CAMKK1: variants seen among roughly 807,000 people sequenced by gnomAD.
CAMKK1 encodes the protein calcium/calmodulin dependent protein kinase kinase 1.
A neutral mutation model predicts 63.5 loss-of-function variants in CAMKK1; 20 were observed. The observed-to-expected ratio is 0.32, with a 90% CI of 0.22 to 0.46. The LOEUF (loss-of-function observed/expected upper bound fraction) is 0.46, where lower values mean the gene tolerates loss of function less well. Among genes scored for constraint, CAMKK1 ranks in the 20% least tolerant of loss-of-function variants. The probability of loss-of-function intolerance (pLI) is 1.00; values close to 1 mark genes in which losing one functional copy is unlikely to be tolerated. For synonymous variants in CAMKK1, 253 were observed against 269.0 expected, an observed-to-expected ratio of 0.94 and a Z score of 0.58; for missense variants, 588 against 658.1, an observed-to-expected ratio of 0.89 and a Z score of 1.17.
rs1020041292 is a variant in CAMKK1 at position 3,862,588 on chromosome 17, C to T, written c.1446-305G>A. On this transcript the variant is annotated intron_variant, in intron 15 of 15. Coordinates refer to ENST00000348335, the MANE Select transcript of CAMKK1 (RefSeq NM_032294.3). This position sits in a 1 kb window ranked among gnomAD's most constrained non-coding sequence, Gnocchi z 4.1. ...CTGACCCAGCTGACTTCCCTACATC[C>T]TCCAACTATCAGCCTAATCAAGGGC... is the stretch of plus-strand genomic sequence containing the variant. 1.3e-5 allele frequency among the ~76,000 whole-genome samples: 2 copies of T among 152,206 alleles called. No homozygotes were observed. The highest frequency in any genetic ancestry group is 4.8e-5 in the African/African-American group (2 of 41,444).
intron 1 of CAMKK1, among the ~76,000 whole-genome samples, chr17:3,886,615 G>A (rs1223111523): frequency 1.3e-5 from 2 of 152,060 alleles, no homozygotes; most frequent in Non-Finnish European, 2.9e-5. Context: ...CTGGGTGACG[G>A]AGCAAGACTC....
At position 3,884,760 on chromosome 17, in the gene CAMKK1, C is replaced by T. The variant is rs1472665485; in HGVS notation, c.361-333G>A. ...TGAGAAACCCATGAGCAACTATTTC[C>T]AGAAGCAGCTGAATGAGAAGGTCTA... On this transcript the variant is annotated intron_variant, in intron 2 of 15. Coordinates refer to ENST00000348335, the MANE Select transcript of CAMKK1 (RefSeq NM_032294.3). The surrounding 1 kb of genome is among the most constrained non-coding windows in gnomAD (Gnocchi z 4.5). 6.6e-6 allele frequency among the ~76,000 whole-genome samples: 1 copy of T among 152,132 alleles called. No homozygotes were observed. The highest frequency in any genetic ancestry group is 1.5e-5 in the Non-Finnish European group (1 of 68,026).
At chr17:3,873,552 G>A (rs1237860584) in intron 10 of CAMKK1, 90 bp from the exon 11 acceptor site, 9 of 1,250,562 alleles carry the variant, frequency 7.2e-6, no homozygotes, top group Non-Finnish European at 1.1e-5. Context: ...GGCCTGCAGG[G>A]AACCTCTTTC....
intron 12 of CAMKK1, among the ~76,000 whole-genome samples, chr17:3,870,371 C>CT (rs1163962903): frequency 7.3e-4 from 106 of 144,586 alleles, no homozygotes; most frequent in African/African-American, 1.2e-3. Context: ...CCCCAGGGTT[C>CT]TTTTTTTTTT....
Position 3,885,390 on chromosome 17 carries a change from A to T in CAMKK1, c.298T>A (p.Ser100Thr), listed in dbSNP as rs1395835406. ...PYATGPASHI[S>T]PRAWRRPTIE... ...GTGGGCCTCCGCCAGGCCCGGGGGG[A>T]GATGTGGCTGGCAGGCCCCGTGGCA... Residue 100 changes from serine (S) to threonine (T), a missense_variant, in exon 2 of 16, where the codon TCC (serine) becomes ACC (threonine). Transcript: ENST00000348335. The T allele has an allele frequency of 5.0e-6, 8 of 1,610,562 alleles. No homozygotes were observed. In the Admixed American group the frequency reaches 1.3e-4, roughly 27 times the overall value.
intron 14 of CAMKK1, among the ~76,000 whole-genome samples, chr17:3,868,086 T>TAC (rs2054626723): frequency 2.2e-5 from 1 of 46,446 alleles, no homozygotes; most frequent in Non-Finnish European, 3.7e-5. Flanking sequence ...AACTGATACG[T>TAC]GGGCTCTGGG....
chr17:3,864,203 C>A (rs939373220), intron 15 of CAMKK1, among the ~76,000 whole-genome samples: 4 of 151,880 alleles, frequency 2.6e-5, no homozygotes, highest in South Asian at 4.1e-4. Flanking sequence ...CTGCCTTGGC[C>A]TCCCAAAGTG....
Position 3,882,789 on chromosome 17 carries a change from C to T in CAMKK1, c.649-225G>A, listed in dbSNP as rs1186755007. ...ATCCAGCCTTCCTCCCCTCCAGCTG[C>T]AATGAGGGGCTCACTTCTTGCCTCT... is the stretch of plus-strand genomic sequence containing the variant. On this transcript the variant is annotated intron_variant, in intron 6 of 15. Coordinates refer to ENST00000348335, the MANE Select transcript of CAMKK1 (RefSeq NM_032294.3). This position sits in a 1 kb window ranked among gnomAD's most constrained non-coding sequence, Gnocchi z 4.3. 2.0e-5 allele frequency among the ~76,000 whole-genome samples: 3 copies of T among 152,200 alleles called. No homozygotes were observed. The highest frequency in any genetic ancestry group is 4.4e-5 in the Non-Finnish European group (3 of 68,036).
chr17:3,882,637 C>G lies in CAMKK1; in HGVS notation c.649-73G>C. On this transcript the variant is annotated intron_variant, in intron 6 of 15. Coordinates refer to ENST00000348335, the MANE Select transcript of CAMKK1 (RefSeq NM_032294.3). This position sits in a 1 kb window ranked among gnomAD's most constrained non-coding sequence, Gnocchi z 4.3. Reference sequence around the variant, plus strand: ...GTTGGAGGTCCCAGGCCTCCTGGTCCTTGCCAGCCCCAGAACCCTTAGTAT... The same window carrying G: ...GTTGGAGGTCCCAGGCCTCCTGGTCGTTGCCAGCCCCAGAACCCTTAGTAT... 7.1e-7 allele frequency: 1 copy of G among 1,409,356 alleles called. No individual in the cohort carries two copies. 87.3% of individuals were successfully genotyped at this position (1,409,356 alleles called of 1,614,324 possible).
intron 14 of CAMKK1, among the ~76,000 whole-genome samples, chr17:3,867,182 G>A (rs1014788499): frequency 1.3e-5 from 2 of 152,236 alleles, no homozygotes; most frequent in African/African-American, 4.8e-5. Flanking sequence ...GGGAAGGCTC[G>A]CTTCTCTCTA....
rs2055946675 is a variant in CAMKK1, at chr17:3,892,666, C to T, written c.-44+273G>A. 1.3e-5 allele frequency among the ~76,000 whole-genome samples: 2 copies of T among 152,184 alleles called. No individual in the cohort carries two copies. The highest frequency in any genetic ancestry group is 2.9e-5 in the Non-Finnish European group (2 of 68,018). ...ACAGTGCACCGGGGATGGATGCGGTCCGCAGACAGAAGCGGGGAAGAACGC... is the reference window on the plus strand; with the variant it reads ...ACAGTGCACCGGGGATGGATGCGGTTCGCAGACAGAAGCGGGGAAGAACGC... On this transcript the variant is annotated intron_variant, in intron 1 of 15. Transcript: ENST00000348335. The surrounding 1 kb of genome is among the most constrained non-coding windows in gnomAD (Gnocchi z 7.5).
Position 3,869,899 on chromosome 17 carries a change from C to G in CAMKK1, c.1125-11G>C, listed in dbSNP as rs375443699. 5.6e-6 allele frequency: 9 copies of G among 1,612,248 alleles called. No individual in the cohort carries two copies. In the South Asian group the frequency reaches 8.8e-5, roughly 16 times the overall value. On this transcript the variant is annotated splice_polypyrimidine_tract_variant and intron_variant, in intron 12 of 15. Transcript: ENST00000348335. ...TCGCTGATTTCTGGCCTGGAGAGGG[C>G]GAAGGAAGGAGAGGAGGGTGGGACC...
chr17:3,875,099 G>A (rs2074489403), intron 10 of CAMKK1, among the ~76,000 whole-genome samples: 1 of 152,006 alleles, frequency 6.6e-6, no homozygotes, highest in Non-Finnish European at 1.5e-5. Context: ...TCCAGCCTGG[G>A]CGACAGAGCG....
Position 3,883,603 on chromosome 17 carries a change from GC to G in CAMKK1, c.463-124del. ...ATCTGCTACTGGCCCTGAGGGTGTG[GC>G]CCAGGTAAGTGTTAAGCGGGGTTGG... On this transcript the variant is annotated intron_variant, in intron 4 of 15. Coordinates refer to ENST00000348335, the MANE Select transcript of CAMKK1 (RefSeq NM_032294.3). The surrounding 1 kb of genome is among the most constrained non-coding windows in gnomAD (Gnocchi z 4.7). The G allele has an allele frequency of 1.1e-6, 1 of 889,684 alleles. No individual in the cohort carries two copies. Among genetic ancestry groups the G allele is most frequent in the Non-Finnish European group, 1.9e-6 (1 of 527,602 alleles). 55.1% of individuals were successfully genotyped at this position (889,684 alleles called of 1,614,324 possible).
At chr17:3,881,818 G>A (rs1488985164) in intron 7 of CAMKK1, 170 bp from the exon 8 acceptor site, 1 of 643,726 alleles carries the variant, frequency 1.6e-6, no homozygotes, top group Non-Finnish European at 2.8e-6. Context: ...ATGAGAGTGG[G>A]GTCTGCTATG....
At chr17:3,865,174 CTTT>C in intron 15 of CAMKK1, 1 of 985,734 alleles carries the variant, frequency 1.0e-6, no homozygotes. Flanking sequence ...CCCAGACTGG[CTTT>C]TATTATAGTG....
In CAMKK1 at chr17:3,882,660, T is replaced by C; in HGVS notation, c.649-96A>G. Reference sequence around the variant, plus strand: ...TCCTTGCCAGCCCCAGAACCCTTAGTATGCATGCAACCACCCCAGACAAGG... The same window carrying C: ...TCCTTGCCAGCCCCAGAACCCTTAGCATGCATGCAACCACCCCAGACAAGG... On this transcript the variant is annotated intron_variant, in intron 6 of 15. Transcript: ENST00000348335. This position sits in a 1 kb window ranked among gnomAD's most constrained non-coding sequence, Gnocchi z 4.3. 2 of 1,171,654 alleles carry C rather than the reference T, an allele frequency of 1.7e-6. No individual in the cohort carries two copies. Among genetic ancestry groups the C allele is most frequent in the East Asian group, 2.6e-5 (1 of 39,200 alleles). 72.6% of individuals were successfully genotyped at this position (1,171,654 alleles called of 1,614,324 possible).
chr17:3,865,651 C>T (rs185861545), intron 15 of CAMKK1: 174 of 1,348,364 alleles, frequency 1.3e-4, no homozygotes, highest in African/African-American at 7.3e-5. Context: ...GGAGGGGCTG[C>T]GTGAGCTCCT....
chr17:3,877,347 G>A (rs965064638), intron 9 of CAMKK1, among the ~76,000 whole-genome samples: 1 of 152,132 alleles, frequency 6.6e-6, no homozygotes, highest in Non-Finnish European at 1.5e-5. Context: ...CATATAGTAG[G>A]ACGAATCCCA....
Sources: allele counts gnomAD v4.1 joint callset (sites outside exome capture counted in the v4.1 genomes callset), GRCh38; gene constraint gnomAD v4.1.1; non-coding constraint Gnocchi (gnomAD v3.1); transcripts MANE v1.5; gene names NCBI Gene and HGNC (gene_info 2026-07-23, HGNC 2026-07-21).